TTPA: variants seen among roughly 807,000 people sequenced by gnomAD.
TTPA encodes the protein alpha tocopherol transfer protein, also known as alpha-tocopherol transfer protein.
Under a neutral mutation model 25.9 loss-of-function variants are expected in TTPA, and 23 were observed. The ratio of observed to expected loss-of-function variants is 0.89; its 90% CI spans 0.64 to 1.26. TTPA has a LOEUF of 1.26. Among genes scored for constraint, TTPA ranks in the 50% most tolerant of loss-of-function variants. The probability of loss-of-function intolerance (pLI) is 0.00; values close to 1 mark genes in which losing one functional copy is unlikely to be tolerated. For synonymous variants in TTPA, 148 were observed against 137.3 expected, an observed-to-expected ratio of 1.08 and a Z score of -0.54; for missense variants, 337 against 353.1, an observed-to-expected ratio of 0.95 and a Z score of 0.37.
chr8:63,068,150 C>T (rs576686537), intron 2 of TTPA, among the ~76,000 whole-genome samples: 2 of 152,174 alleles, frequency 1.3e-5, no homozygotes, highest in East Asian at 3.9e-4. Flanking sequence ...AGATACAAAT[C>T]TGGGGGCTGT....
intron 2 of TTPA, 102 bp downstream of exon 2, chr8:63,072,833 G>T: frequency 1.5e-6 from 2 of 1,359,418 alleles, no homozygotes; most frequent in South Asian, 1.2e-5. Context: ...CTTTCTATAT[G>T]GTATTCAAGG....
chr8:63,081,957 G>T (rs1312666947), intron 1 of TTPA, among the ~76,000 whole-genome samples: 2 of 152,130 alleles, frequency 1.3e-5, no homozygotes, highest in Non-Finnish European at 2.9e-5. Flanking sequence ...CCTCTTCAAG[G>T]AGAACTACAA....
At position 63,085,884 on chromosome 8, in the gene TTPA, C is replaced by T. The variant is rs752658141; in HGVS notation, c.138G>A (p.Pro46=). Residue 46 remains proline (P), a synonymous_variant, in exon 1 of 5, where the codon CCG becomes CCA. Transcript: ENST00000260116. ...REAGVPLAPL[P]LTDSFLLRFL... Reference sequence around the variant, plus strand: ...ACCGCAGCAGGAAGGAGTCGGTGAGCGGCAGCGGCGCGAGCGGGACGCCAG... The same window carrying T: ...ACCGCAGCAGGAAGGAGTCGGTGAGTGGCAGCGGCGCGAGCGGGACGCCAG... 4 of 1,531,562 alleles carry T rather than the reference C, an allele frequency of 2.6e-6. No individual in the cohort carries two copies. The highest frequency in any genetic ancestry group is 2.4e-5 in the South Asian group (2 of 83,306). The allele number at this position is 1,531,562 out of a possible 1,614,324, so 94.9% of individuals were successfully genotyped here.
At chr8:63,085,263 C>G (rs1026124834) in intron 1 of TTPA, among the ~76,000 whole-genome samples, 6 of 152,168 alleles carry the variant, frequency 3.9e-5, no homozygotes, top group Non-Finnish European at 8.8e-5. Context: ...AAAGAACTGC[C>G]CGACTACAAC....
rs934305088 is a variant in TTPA, at chr8:63,061,012, C to T, written c.*240G>A. ...ATGTTCTCTTCAAGTACAAAATCGC[C>T]GATTTTTATGCTCTTAAAATGTACT... On this transcript the variant is annotated 3_prime_UTR_variant, in exon 5 of 5. Coordinates refer to ENST00000260116, the MANE Select transcript of TTPA (RefSeq NM_000370.3). 7.1e-6 allele frequency: 3 copies of T among 421,198 alleles called. No individual in the cohort carries two copies. Among genetic ancestry groups the T allele is most frequent in the Non-Finnish European group, 8.7e-6 (2 of 230,566 alleles). The allele number at this position is 421,198 out of a possible 1,614,324, so 26.1% of individuals were successfully genotyped here.
At chr8:63,072,441 T>C (rs1396249470) in intron 2 of TTPA, among the ~76,000 whole-genome samples, 2 of 152,166 alleles carry the variant, frequency 1.3e-5, no homozygotes, top group African/African-American at 4.8e-5. Flanking sequence ...TTTTGTACTT[T>C]TAGTAGAGAC....
intron 4 of TTPA, 60 bp from the exon 5 acceptor site, chr8:63,061,485 C>G (rs1805305627): frequency 6.6e-7 from 1 of 1,504,552 alleles, no homozygotes; most frequent in African/African-American, 1.4e-5. Flanking sequence ...AGTGGAAAAT[C>G]AACCTCATAA....
downstream of TTPA, among the ~76,000 whole-genome samples, chr8:63,059,231 A>ACCGTTTTAG (rs200592548): frequency 0.078 from 11,685 of 149,802 alleles, 856 homozygotes; most frequent in East Asian, 0.41. Flanking sequence ...ACGGGGTTTC[A>ACCGTTTTAG]CCGTTTTAGC....
intron 2 of TTPA, among the ~76,000 whole-genome samples, chr8:63,068,241 T>C (rs951536433): frequency 5.3e-5 from 8 of 151,950 alleles, no homozygotes; most frequent in Non-Finnish European, 1.0e-4. Context: ...TGAAGTAACA[T>C]AAAAAGAAAA....
intron 1 of TTPA, among the ~76,000 whole-genome samples, chr8:63,084,998 T>G (rs573222150): frequency 2.0e-5 from 3 of 152,344 alleles, no homozygotes; most frequent in Non-Finnish European, 2.9e-5. Context: ...AACAAGCCAC[T>G]TAGAGAAAGG....
intron 1 of TTPA, among the ~76,000 whole-genome samples, chr8:63,076,730 T>C (rs1013972041): frequency 2.0e-5 from 3 of 152,214 alleles, no homozygotes; most frequent in Admixed American, 6.5e-5. Context: ...GTTATCTCTA[T>C]ACATATATAT....
chr8:63,085,738 G>A (rs1184196218), intron 1 of TTPA, 80 bp downstream of exon 1: 6 of 1,488,954 alleles, frequency 4.0e-6, no homozygotes, highest in Non-Finnish European at 5.4e-6. Flanking sequence ...TTCGGCAGGG[G>A]TCAGATATCC....
At position 63,085,885 on chromosome 8, in the gene TTPA, G is replaced by C; in HGVS notation, c.137C>G (p.Pro46Arg). ...CCGCAGCAGGAAGGAGTCGGTGAGC[G>C]GCAGCGGCGCGAGCGGGACGCCAGC... Reference protein sequence around the residue: ...REAGVPLAPLPLTDSFLLRFL... With the variant: ...REAGVPLAPLRLTDSFLLRFL... Residue 46 changes from proline to arginine, a missense_variant, in exon 1 of 5, where the codon CCG becomes CGG. Pro to Arg is a moderately radical substitution (Grantham distance 103, BLOSUM62 -2). Coordinates refer to ENST00000260116, the MANE Select transcript of TTPA (RefSeq NM_000370.3). The C allele has an allele frequency of 6.5e-7, 1 of 1,531,924 alleles. No homozygotes were observed. Among genetic ancestry groups the C allele is most frequent in the East Asian group, 2.5e-5 (1 of 40,304 alleles). 94.9% of individuals were successfully genotyped at this position (1,531,924 alleles called of 1,614,324 possible).
chr8:63,077,465 A>G (rs896935422), intron 1 of TTPA, among the ~76,000 whole-genome samples: 1 of 152,210 alleles, frequency 6.6e-6, no homozygotes, highest in Non-Finnish European at 1.5e-5. Context: ...CAAATACTGC[A>G]CTTTTCCCAA....
intron 1 of TTPA, 98 bp downstream of exon 1, chr8:63,085,720 C>T (rs1235284113): frequency 6.9e-7 from 1 of 1,447,086 alleles, no homozygotes; most frequent in Non-Finnish European, 9.2e-7. Flanking sequence ...CCTGCCTGCA[C>T]CCTGGGCTTC....
chr8:63,063,164 A>T (rs1040837733), intron 4 of TTPA, among the ~76,000 whole-genome samples: 1 of 152,122 alleles, frequency 6.6e-6, no homozygotes, highest in Non-Finnish European at 1.5e-5. Context: ...TTTTAGATTT[A>T]AACTGTTAAA....
intron 1 of TTPA, among the ~76,000 whole-genome samples, chr8:63,079,294 C>G (rs1434961696): frequency 6.6e-6 from 1 of 152,130 alleles, no homozygotes; most frequent in Non-Finnish European, 1.5e-5. Flanking sequence ...AAATAACCAG[C>G]TAACATCATA....
At chr8:63,068,486 G>A (rs1367941766) in intron 2 of TTPA, among the ~76,000 whole-genome samples, 1 of 152,166 alleles carries the variant, frequency 6.6e-6, no homozygotes, top group Non-Finnish European at 1.5e-5. Flanking sequence ...TAAAAAGAAA[G>A]TCAATAATGG....
Position 63,086,031 on chromosome 8 carries a change from C to T in TTPA, c.-10G>A, listed in dbSNP as rs1311889480. 1.4e-6 allele frequency: 2 copies of T among 1,409,482 alleles called. No individual in the cohort carries two copies. Among genetic ancestry groups the T allele is most frequent in the East Asian group, 3.1e-5 (1 of 31,974 alleles). 87.3% of individuals were successfully genotyped at this position (1,409,482 alleles called of 1,614,324 possible). A position where few individuals can be genotyped will look rare whatever the true frequency, so the allele number is the denominator to read the frequency against. ...ATCGCGCCTCTGCCATGCCCGCCGC[C>T]GCTGCTGCGGCCGCAGCTACCCGGG... On this transcript the variant is annotated 5_prime_UTR_variant, in exon 1 of 5. Transcript: ENST00000260116.
Sources: gnomAD v4.1 joint callset for allele counts (sites outside exome capture counted in the v4.1 genomes callset) on GRCh38, gnomAD v4.1.1 for gene constraint, MANE v1.5 for transcripts, NCBI Gene and HGNC (gene_info 2026-07-23, HGNC 2026-07-21) for gene names.